The following ITPR1 variants were observed in gnomAD, a reference collection of about 807,000 sequenced individuals.
ITPR1 encodes inositol 1,4,5-trisphosphate-gated calcium channel ITPR1.
ITPR1 carries 96 observed loss-of-function variants against 318.4 expected under a neutral mutation model. That is an observed-to-expected ratio of 0.30 (90% CI 0.26 to 0.36). The LOEUF is 0.36. Ranked by LOEUF, ITPR1 falls within the 10% of genes least tolerant of loss-of-function variation. The pLI is 1.00. For synonymous variants in ITPR1, 1,312 were observed against 1,289.9 expected (o/e 1.02, Z -0.37); for missense variants, 2,440 against 3,460.2 (o/e 0.71, Z 7.40).
chr3:4,695,716 G>T (rs2094547180), intron 33 of ITPR1, among the ~76,000 whole-genome samples: 1 of 152,180 alleles, frequency 6.6e-6, no homozygotes, highest in Admixed American at 6.5e-5. Context: ...GTTCTGTGTT[G>T]TTAAGGTTGA....
intron 4 of ITPR1, among the ~76,000 whole-genome samples, chr3:4,528,428 G>T (rs2083153519): frequency 6.6e-6 from 1 of 152,156 alleles, no homozygotes; most frequent in Admixed American, 6.5e-5. Flanking sequence ...ATCTAGGGTG[G>T]CTATAACAAA....
intron 8 of ITPR1, among the ~76,000 whole-genome samples, chr3:4,644,895 C>G (rs1202305173): frequency 7.2e-5 from 11 of 152,206 alleles, no homozygotes; most frequent in African/African-American, 2.6e-4. Context: ...AGGGTGTTGC[C>G]AAGAATTAAA....
chr3:4,658,161 G>A lies in ITPR1; in HGVS notation c.1034G>A (p.Arg345Gln), dbSNP rs201804963. Residue 345 changes from arginine (R) to glutamine (Q), a missense_variant, in exon 13 of 62, where the codon CGG becomes CAG. This residue lies in a region of ITPR1 where 101 missense variants were observed against 119.6 expected (regional missense o/e 0.84). Coordinates refer to ENST00000649015, the MANE Select transcript of ITPR1 (RefSeq NM_001378452.1). ...CAGGACGCCTCTCGAAGTAGGTTGC[G>A]GAATGCCCAAGAAAAGATGGTATAC... ...PDQDASRSRL[R>Q]NAQEKMVYSL... 152 of 1,613,076 alleles carry A rather than the reference G, an allele frequency of 9.4e-5. No individual in the cohort carries two copies. The highest frequency in any genetic ancestry group is 1.0e-4 in the Admixed American group (6 of 59,966).
intron 3 of ITPR1, 92 bp from the exon 4 acceptor site, chr3:4,520,932 G>A (rs972379507): frequency 1.9e-5 from 17 of 909,288 alleles, no homozygotes; most frequent in East Asian, 5.0e-5. Flanking sequence ...TAAATGTTGC[G>A]CAGGAAAAGC....
intron 16 of ITPR1, among the ~76,000 whole-genome samples, chr3:4,664,160 C>G (rs1205942927): frequency 6.6e-6 from 1 of 152,172 alleles, no homozygotes; most frequent in Non-Finnish European, 1.5e-5. Context: ...TCTATAAACT[C>G]AGAAGGCCCA....
intron 4 of ITPR1, among the ~76,000 whole-genome samples, chr3:4,623,700 G>A (rs1324459242): frequency 3.9e-5 from 6 of 152,178 alleles, no homozygotes; most frequent in Admixed American, 3.9e-4. Context: ...GCAAAATTTT[G>A]GAAGGTTATT....
intron 18 of ITPR1, among the ~76,000 whole-genome samples, chr3:4,668,916 C>T (rs2094011808): frequency 1.3e-5 from 2 of 152,206 alleles, no homozygotes; most frequent in African/African-American, 4.8e-5. Flanking sequence ...CACAGATCTG[C>T]TCCTCTTTCG....
chr3:4,720,746 C>T (rs1019130935), intron 40 of ITPR1, among the ~76,000 whole-genome samples: 5 of 152,112 alleles, frequency 3.3e-5, no homozygotes, highest in Non-Finnish European at 5.9e-5. Context: ...TCGACTTCTC[C>T]TACTTGAGCT....
At chr3:4,831,127 TCTCTCACACACACA>T (rs2050465060) in intron 60 of ITPR1, 3 of 334,078 alleles carry the variant, frequency 9.0e-6, no homozygotes, top group Non-Finnish European at 5.8e-6. Flanking sequence ...TCTCTCTCTC[TCTCTCACACACACA>T]CACACACACA....
intron 4 of ITPR1, among the ~76,000 whole-genome samples, chr3:4,558,903 T>A (rs750816134): frequency 2.0e-5 from 3 of 151,848 alleles, no homozygotes; most frequent in African/African-American, 4.8e-5. Flanking sequence ...TCCAAACGCA[T>A]CTCAGGAAAA....
At chr3:4,718,548 G>A (rs2041930406) in intron 40 of ITPR1, among the ~76,000 whole-genome samples, 1 of 152,218 alleles carries the variant, frequency 6.6e-6, no homozygotes, top group Non-Finnish European at 1.5e-5. Flanking sequence ...CCGGAATGGA[G>A]CTCAGAGAGG....
chr3:4,800,977 C>T (rs571316630), intron 54 of ITPR1, among the ~76,000 whole-genome samples: 1 of 152,186 alleles, frequency 6.6e-6, no homozygotes, highest in Non-Finnish European at 1.5e-5. Flanking sequence ...ACCGTACCCA[C>T]TTCTGGAAAG....
At chr3:4,567,404 T>G (rs2087420983) in intron 4 of ITPR1, among the ~76,000 whole-genome samples, 1 of 152,160 alleles carries the variant, frequency 6.6e-6, no homozygotes, top group East Asian at 1.9e-4. Context: ...ACCAAGTCCT[T>G]TTTTCTTGCA....
In ITPR1 at chr3:4,768,769, G is replaced by A. The variant is rs1205026500; in HGVS notation, c.5979+5G>A. 21 of 1,605,776 alleles carry A rather than the reference G, an allele frequency of 1.3e-5. No homozygotes were observed. The highest frequency in any genetic ancestry group is 1.8e-5 in the Non-Finnish European group (21 of 1,173,592). ...AACCACAACCGAGACCTGCAGGTGA[G>A]GGCCTGGGGGTGGGGGCGTGGAGGG... is the stretch of plus-strand genomic sequence containing the variant. On this transcript the variant is annotated splice_donor_5th_base_variant and intron_variant, in intron 46 of 61. Coordinates refer to ENST00000649015, the MANE Select transcript of ITPR1 (RefSeq NM_001378452.1).
intron 2 of ITPR1, among the ~76,000 whole-genome samples, chr3:4,509,449 C>A (rs567655442): frequency 2.3e-3 from 351 of 152,292 alleles, no homozygotes; most frequent in Middle Eastern, 3.4e-3. Context: ...GGTTTCTGTT[C>A]TTGATCTAAC....
intron 4 of ITPR1, among the ~76,000 whole-genome samples, chr3:4,534,126 T>G (rs1246744167): frequency 6.6e-6 from 1 of 152,214 alleles, no homozygotes. Context: ...TTTTCTCTTT[T>G]AATAGATTTA....
intron 4 of ITPR1, among the ~76,000 whole-genome samples, chr3:4,536,843 T>A (rs76702155): frequency 0.011 from 1,625 of 152,338 alleles, 33 homozygotes; most frequent in African/African-American, 0.037. Context: ...AGTTGATATT[T>A]AGCAAATACC....
chr3:4,679,694 T>A (rs1269366867), intron 24 of ITPR1, among the ~76,000 whole-genome samples: 3 of 152,208 alleles, frequency 2.0e-5, no homozygotes, highest in Admixed American at 2.0e-4. Flanking sequence ...GTACAAGCTG[T>A]CTAGGTGTCC....
intron 60 of ITPR1, among the ~76,000 whole-genome samples, chr3:4,820,708 A>G (rs1290182892): frequency 6.6e-6 from 1 of 152,240 alleles, no homozygotes; most frequent in East Asian, 1.9e-4. Context: ...GCAGAACCAG[A>G]TGTTCTGTGC....
Sources: allele counts gnomAD v4.1 joint callset (sites outside exome capture counted in the v4.1 genomes callset), GRCh38; gene constraint gnomAD v4.1.1; regional missense constraint gnomAD v4.1.1; transcripts MANE v1.5; gene names NCBI Gene and HGNC (gene_info 2026-07-23, HGNC 2026-07-21).